Variants in FNDC3B observed in about 807,000 individuals in gnomAD.
FNDC3B encodes the protein fibronectin type III domain containing 3B.
A neutral mutation model predicts 151.5 loss-of-function variants in FNDC3B; 12 were observed. The ratio of observed to expected loss-of-function variants is 0.08; its 90% confidence interval spans 0.05 to 0.13. The LOEUF (loss-of-function observed/expected upper bound fraction) is 0.13, where lower values mean the gene tolerates loss of function less well. Among genes scored for constraint, FNDC3B ranks in the 10% least tolerant of loss-of-function variants. The probability of loss-of-function intolerance (pLI) is 1.00; values close to 1 mark genes in which losing one functional copy is unlikely to be tolerated. For synonymous variants in FNDC3B, 528 were observed against 549.0 expected (o/e 0.96, Z 0.54); for missense variants, 1,214 against 1,505.3 (o/e 0.81, Z 3.20).
intron 25 of FNDC3B, among the ~76,000 whole-genome samples, chr3:172,389,581 C>T (rs1392226645): frequency 6.6e-6 from 1 of 152,094 alleles, no homozygotes; most frequent in Non-Finnish European, 1.5e-5. Flanking sequence ...AAACTGTTCA[C>T]GTGTGGGGGG....
chr3:172,110,823 A>G (rs1719923136), intron 1 of FNDC3B, among the ~76,000 whole-genome samples: 1 of 152,140 alleles, frequency 6.6e-6, no homozygotes, highest in African/African-American at 2.4e-5. Context: ...TTGAAGAAAC[A>G]TTAAATAAGA....
At chr3:172,124,553 C>A (rs1191860837) in intron 2 of FNDC3B, among the ~76,000 whole-genome samples, 1 of 152,206 alleles carries the variant, frequency 6.6e-6, no homozygotes. Context: ...GTTGACTCTT[C>A]CAGAGATTTC....
At chr3:172,223,519 G>A (rs999735367) in intron 3 of FNDC3B, among the ~76,000 whole-genome samples, 5 of 152,130 alleles carry the variant, frequency 3.3e-5, no homozygotes, top group African/African-American at 1.2e-4. Context: ...ATTCTTTAAA[G>A]CATTTTACAC....
At chr3:172,371,642 C>G (rs976574948) in intron 23 of FNDC3B, among the ~76,000 whole-genome samples, 15 of 152,178 alleles carry the variant, frequency 9.9e-5, no homozygotes, top group Non-Finnish European at 2.1e-4. Flanking sequence ...GAGAGCATTT[C>G]TCCCCATCTT....
At chr3:172,251,179 G>A (rs1381112926) in intron 5 of FNDC3B, 81 bp from the exon 6 acceptor site, 2 of 1,103,160 alleles carry the variant, frequency 1.8e-6, no homozygotes, top group East Asian at 5.1e-5. Flanking sequence ...ACTTCTTCAG[G>A]AGCCAGATCA....
chr3:172,135,271 GTA>G (rs970469495), intron 3 of FNDC3B, among the ~76,000 whole-genome samples: 1 of 151,920 alleles, frequency 6.6e-6, no homozygotes, highest in Non-Finnish European at 1.5e-5. Flanking sequence ...GTGTGTGTGT[GTA>G]TATATGTGTT....
chr3:172,326,079 G>A (rs1467238976), intron 11 of FNDC3B, among the ~76,000 whole-genome samples: 3 of 152,164 alleles, frequency 2.0e-5, no homozygotes, highest in Non-Finnish European at 4.4e-5. Context: ...ACCTCCCTCA[G>A]CCTCCCAAAG....
chr3:172,234,893 A>G (rs1727065128), intron 4 of FNDC3B, among the ~76,000 whole-genome samples: 1 of 152,184 alleles, frequency 6.6e-6, no homozygotes, highest in Admixed American at 6.5e-5. Context: ...ATATTTCTAC[A>G]CATTCTTTGA....
At chr3:172,354,499 A>C (rs114380158) in intron 22 of FNDC3B, among the ~76,000 whole-genome samples, 11 of 146,818 alleles carry the variant, frequency 7.5e-5, no homozygotes, top group African/African-American at 2.6e-4. Context: ...AAACAATAAA[A>C]AAAAATAATA....
At chr3:172,163,230 C>A (rs1722864329) in intron 3 of FNDC3B, among the ~76,000 whole-genome samples, 1 of 151,614 alleles carries the variant, frequency 6.6e-6, no homozygotes, top group South Asian at 2.1e-4. Flanking sequence ...ATGGTCGTGC[C>A]ACTGCACTCC....
At chr3:172,167,288 C>T (rs572573897) in intron 3 of FNDC3B, among the ~76,000 whole-genome samples, 56 of 152,220 alleles carry the variant, frequency 3.7e-4, no homozygotes, top group Middle Eastern at 6.8e-3. Flanking sequence ...CCTAGCTACT[C>T]GGGAGGCTGA....
At chr3:172,287,817 G>T (rs1038680339) in intron 7 of FNDC3B, among the ~76,000 whole-genome samples, 12 of 152,178 alleles carry the variant, frequency 7.9e-5, no homozygotes, top group African/African-American at 2.7e-4. Context: ...GTATTTCTTA[G>T]GCATTTAATC....
chr3:172,252,234 A>G (rs1400184998), intron 6 of FNDC3B, among the ~76,000 whole-genome samples: 3 of 152,132 alleles, frequency 2.0e-5, no homozygotes, highest in South Asian at 2.1e-4. Flanking sequence ...GATGCCACAT[A>G]AGGAAAAACA....
chr3:172,244,401 T>A (rs369513364), intron 4 of FNDC3B, among the ~76,000 whole-genome samples: 1 of 152,168 alleles, frequency 6.6e-6, no homozygotes, highest in East Asian at 1.9e-4. Flanking sequence ...TATTAAAGAA[T>A]GTTACTGCCA....
chr3:172,160,553 C>G (rs1722716289), intron 3 of FNDC3B, among the ~76,000 whole-genome samples: 1 of 152,178 alleles, frequency 6.6e-6, no homozygotes, highest in African/African-American at 2.4e-5. Context: ...TTGGCCAGCT[C>G]CTTTTAGAGT....
intron 10 of FNDC3B, among the ~76,000 whole-genome samples, chr3:172,308,944 C>T (rs957721991): frequency 2.6e-5 from 4 of 152,050 alleles, no homozygotes; most frequent in Admixed American, 2.0e-4. Flanking sequence ...TGAGGGATCC[C>T]GGGGTCTTAT....
intron 11 of FNDC3B, among the ~76,000 whole-genome samples, chr3:172,327,469 C>T (rs7625866): frequency 0.32 from 48,035 of 152,034 alleles, 8,983 homozygotes; most frequent in African/African-American, 0.51. Context: ...GGCGCGATCT[C>T]GGCTCACTGC....
At chr3:172,098,888 T>C (rs1396082387) in intron 1 of FNDC3B, among the ~76,000 whole-genome samples, 1 of 152,176 alleles carries the variant, frequency 6.6e-6, no homozygotes, top group Non-Finnish European at 1.5e-5. Context: ...TTGCAAGGCG[T>C]GCTTCCTGTG....
At chr3:172,189,221 A>G (rs981679154) in intron 3 of FNDC3B, among the ~76,000 whole-genome samples, 1 of 152,130 alleles carries the variant, frequency 6.6e-6, no homozygotes, top group Non-Finnish European at 1.5e-5. Context: ...TTTAGGGGGG[A>G]AGATTTGTAA....
Sources: allele counts gnomAD v4.1 joint callset (sites outside exome capture counted in the v4.1 genomes callset), GRCh38; gene constraint gnomAD v4.1.1; transcripts MANE v1.5; gene names NCBI Gene and HGNC (gene_info 2026-07-23, HGNC 2026-07-21).